FARS2: variants seen among roughly 807,000 people sequenced by gnomAD.
FARS2 encodes phenylalanyl-tRNA synthetase 2, mitochondrial, also known as phenylalanine--tRNA ligase, mitochondrial.
Under a neutral mutation model 46.4 loss-of-function variants are expected in FARS2, and 40 were observed. That is an observed-to-expected ratio of 0.86 (90% CI 0.67 to 1.12). The LOEUF (loss-of-function observed/expected upper bound fraction) is 1.12, where lower values mean the gene tolerates loss of function less well. Ranked by LOEUF, FARS2 falls within the 50% of genes most tolerant of loss-of-function variation. FARS2 has a pLI of 0.00. For synonymous variants in FARS2, 234 were observed against 214.9 expected (o/e 1.09, Z -0.78); for missense variants, 513 against 567.9 (o/e 0.90, Z 0.98).
intron 1 of FARS2, among the ~76,000 whole-genome samples, chr6:5,285,642 A>G (rs936114358): frequency 1.3e-5 from 2 of 152,166 alleles, no homozygotes; most frequent in Admixed American, 6.5e-5. Flanking sequence ...AAATCTCTCC[A>G]TTAGCAGTTC....
In FARS2 at chr6:5,642,139, T is replaced by C. The variant is rs528627369; in HGVS notation, c.1217+28819T>C. Among the ~76,000 whole-genome samples, 6 of 152,356 alleles carry C rather than the reference T, an allele frequency of 3.9e-5. 1 individual carries two copies. In the South Asian group the frequency reaches 1.0e-3, roughly 26 times the overall value. ...ATATGTATGTGTATATTTGTGTGTG[T>C]CTGTATGTGTGTGTGTATGTCTGTA... On this transcript the variant is annotated intron_variant, in intron 6 of 6. Coordinates refer to ENST00000274680, the MANE Select transcript of FARS2 (RefSeq NM_006567.5).
In FARS2 at chr6:5,686,550, G is replaced by A. The variant is rs557183289; in HGVS notation, c.1217+73230G>A. ...CATGAACTCGTCCTTTTTTATGGCT[G>A]CATAGTATTCCATGGTATATATGTG... On this transcript the variant is annotated intron_variant, in intron 6 of 6. Transcript: ENST00000274680. 2.6e-5 allele frequency among the ~76,000 whole-genome samples: 4 copies of A among 152,292 alleles called. No individual in the cohort carries two copies. The East Asian group carries it at 7.7e-4, about 29-fold the overall frequency.
intron 2 of FARS2, among the ~76,000 whole-genome samples, chr6:5,388,162 G>C (rs1760258961): frequency 6.6e-6 from 1 of 152,094 alleles, no homozygotes; most frequent in Non-Finnish European, 1.5e-5. Flanking sequence ...TCAGAAACCT[G>C]AGATGAACCA....
At chr6:5,383,873 G>C (rs59238898) in intron 2 of FARS2, among the ~76,000 whole-genome samples, 3,190 of 151,952 alleles carry the variant, frequency 0.021, 55 homozygotes, top group African/African-American at 0.048. Context: ...ATTTAGATGG[G>C]GCCTTTGTCC....
At chr6:5,384,405 G>A (rs1409145031) in intron 2 of FARS2, among the ~76,000 whole-genome samples, 1 of 152,222 alleles carries the variant, frequency 6.6e-6, no homozygotes, top group Admixed American at 6.5e-5. Context: ...GGCAGCTGCC[G>A]ATGCCACCCC....
intron 5 of FARS2, among the ~76,000 whole-genome samples, chr6:5,560,065 T>G (rs1771900206): frequency 6.6e-6 from 1 of 152,164 alleles, no homozygotes; most frequent in Non-Finnish European, 1.5e-5. Flanking sequence ...TTACCATGAG[T>G]GATTCTTTCA....
intron 4 of FARS2, among the ~76,000 whole-genome samples, chr6:5,493,514 A>G (rs900008663): frequency 6.6e-6 from 1 of 152,176 alleles, no homozygotes; most frequent in Non-Finnish European, 1.5e-5. Context: ...GAGGAATGGA[A>G]AGTCAAAGTC....
chr6:5,369,318 AATGAC>A lies in FARS2; in HGVS notation c.612+139_612+143del, dbSNP rs150294010. On this transcript the variant is annotated intron_variant, in intron 2 of 6. Transcript: ENST00000274680. ...TTGCCTTAGTGAATCATCCATACTT[AATGAC>A]ATCTTGTGTATAGGTGTGCCCCAGT... 1,793 of 833,716 alleles carry A rather than the reference AATGAC, an allele frequency of 2.2e-3. 25 individuals carry two copies. The African/African-American group carries it at 0.028, about 13-fold the overall frequency. The allele number at this position is 833,716 out of a possible 1,614,324, so 51.6% of individuals were successfully genotyped here.
rs1771419417 is a variant in FARS2 at position 5,339,725 on chromosome 6, G to A, written c.-21-28825G>A. On this transcript the variant is annotated intron_variant, in intron 1 of 6. Transcript: ENST00000274680. Reference sequence around the variant, plus strand: ...GGTGGGATTACAGGCATGAGCCATAGCACCTGGCCAAACCAGGAGTCTTCA... The same window carrying A: ...GGTGGGATTACAGGCATGAGCCATAACACCTGGCCAAACCAGGAGTCTTCA... 5.3e-5 allele frequency among the ~76,000 whole-genome samples: 8 copies of A among 152,286 alleles called. No individual in the cohort carries two copies. The South Asian group carries it at 1.7e-3, about 32-fold the overall frequency.
chr6:5,261,046 G>T, upstream of FARS2: 4 of 807,614 alleles, frequency 5.0e-6, no homozygotes, highest in Non-Finnish European at 6.2e-6. Context: ...GCCGCTCCAC[G>T]CGGCGGGAGG....
chr6:5,268,587 T>C (rs1486869272), intron 1 of FARS2, among the ~76,000 whole-genome samples: 1 of 152,078 alleles, frequency 6.6e-6, no homozygotes, highest in Non-Finnish European at 1.5e-5. Flanking sequence ...AACAGTACCA[T>C]GCTGTTTTGG....
chr6:5,735,101 T>C (rs760893330), intron 6 of FARS2, among the ~76,000 whole-genome samples: 1 of 152,220 alleles, frequency 6.6e-6, no homozygotes, highest in Non-Finnish European at 1.5e-5. Flanking sequence ...TAAAACAAAG[T>C]CTAGAAACTT....
intron 5 of FARS2, among the ~76,000 whole-genome samples, chr6:5,595,637 C>T (rs559232392): frequency 3.3e-5 from 5 of 152,314 alleles, no homozygotes; most frequent in Admixed American, 2.6e-4. Flanking sequence ...CCCCAGGTTA[C>T]AGACTGGGAT....
At chr6:5,312,303 C>G (rs539115141) in intron 1 of FARS2, among the ~76,000 whole-genome samples, 2 of 152,242 alleles carry the variant, frequency 1.3e-5, no homozygotes, top group South Asian at 4.2e-4. Context: ...ATCTATAAGT[C>G]TCATAGCTTA....
chr6:5,665,220 A>C (rs902213962), intron 6 of FARS2: 1 of 152,294 alleles, frequency 6.6e-6, no homozygotes, highest in African/African-American at 2.4e-5. Flanking sequence ...CACCCTGGAG[A>C]GTTGACATCT....
At chr6:5,353,056 C>T (rs115501995) in intron 1 of FARS2, among the ~76,000 whole-genome samples, 3,737 of 152,212 alleles carry the variant, frequency 0.025, 141 homozygotes, top group African/African-American at 0.084. Flanking sequence ...CCAGTCTCTC[C>T]CAATCACACT....
intron 5 of FARS2, among the ~76,000 whole-genome samples, chr6:5,583,723 G>T (rs965825292): frequency 1.3e-5 from 2 of 152,152 alleles, no homozygotes; most frequent in African/African-American, 4.8e-5. Context: ...TTAGATAACA[G>T]GCCTAAGGCC....
intron 4 of FARS2, among the ~76,000 whole-genome samples, chr6:5,467,318 T>C (rs1230405495): frequency 6.6e-6 from 1 of 152,224 alleles, no homozygotes. Context: ...AGAATGACTT[T>C]CAAAGCTTCA....
At chr6:5,708,362 C>T (rs926696912) in intron 6 of FARS2, among the ~76,000 whole-genome samples, 1 of 152,066 alleles carries the variant, frequency 6.6e-6, no homozygotes, top group African/African-American at 2.4e-5. Flanking sequence ...TCCAAGGGGA[C>T]CTGTCACTGG....
Sources: allele counts gnomAD v4.1 joint callset (sites outside exome capture counted in the v4.1 genomes callset), GRCh38; gene constraint gnomAD v4.1.1; transcripts MANE v1.5; gene names NCBI Gene and HGNC (gene_info 2026-07-23, HGNC 2026-07-21).